Variants in MAML2 observed in about 807,000 individuals in gnomAD.
MAML2 encodes the protein mastermind-like protein 2.
Under a neutral mutation model 96.1 loss-of-function variants are expected in MAML2, and 22 were observed. That is an observed-to-expected ratio of 0.23 (90% CI 0.16 to 0.33). The LOEUF (loss-of-function observed/expected upper bound fraction) is 0.33, where lower values mean the gene tolerates loss of function less well. Among genes scored for constraint, MAML2 ranks in the 10% least tolerant of loss-of-function variants. The pLI is 1.00. For synonymous variants in MAML2, 561 were observed against 521.3 expected, an observed-to-expected ratio of 1.08 and a Z score of -1.04; for missense variants, 1,367 against 1,392.4, an observed-to-expected ratio of 0.98 and a Z score of 0.29.
chr11:96,313,166 A>T (rs1863568944), intron 1 of MAML2, among the ~76,000 whole-genome samples: 1 of 152,154 alleles, frequency 6.6e-6, no homozygotes, highest in Admixed American at 6.5e-5. Flanking sequence ...GGTTAAATAG[A>T]TTGCTAAGAT....
chr11:96,294,028 C>T (rs1383561070), intron 1 of MAML2, among the ~76,000 whole-genome samples: 1 of 152,172 alleles, frequency 6.6e-6, no homozygotes, highest in African/African-American at 2.4e-5. Flanking sequence ...AGAAATTATT[C>T]TGGAGAGAGG....
At chr11:96,172,505 C>T (rs1861312216) in intron 1 of MAML2, among the ~76,000 whole-genome samples, 1 of 152,188 alleles carries the variant, frequency 6.6e-6, no homozygotes, top group African/African-American at 2.4e-5. Context: ...TGTTCACGTC[C>T]TCTTACGCGA....
At chr11:96,001,013 C>T (rs958987092) in intron 2 of MAML2, among the ~76,000 whole-genome samples, 4 of 152,166 alleles carry the variant, frequency 2.6e-5, no homozygotes, top group Admixed American at 2.0e-4. Context: ...CTGCTTTCCC[C>T]TTCTATTTAA....
At chr11:96,299,415 C>T (rs749761845) in intron 1 of MAML2, among the ~76,000 whole-genome samples, 8 of 151,766 alleles carry the variant, frequency 5.3e-5, no homozygotes, top group Admixed American at 1.3e-4. Flanking sequence ...TGGATGAAGT[C>T]GCAGAGGCTG....
At chr11:96,188,288 C>CT (rs1298872922) in intron 1 of MAML2, among the ~76,000 whole-genome samples, 1 of 152,168 alleles carries the variant, frequency 6.6e-6, no homozygotes, top group Admixed American at 6.5e-5. Context: ...TTCCTATAAC[C>CT]TTTCTAATTT....
intron 1 of MAML2, among the ~76,000 whole-genome samples, chr11:96,299,598 G>A (rs1273759659): frequency 6.6e-6 from 1 of 152,148 alleles, no homozygotes; most frequent in Non-Finnish European, 1.5e-5. Context: ...TCCCCTGGGA[G>A]CAGCCCACAG....
At chr11:96,340,929 G>A (rs1392231391) in intron 1 of MAML2, among the ~76,000 whole-genome samples, 5 of 152,208 alleles carry the variant, frequency 3.3e-5, no homozygotes, top group African/African-American at 4.8e-5. Flanking sequence ...TCAAAAGGGA[G>A]AGGGGAAATG....
intron 1 of MAML2, among the ~76,000 whole-genome samples, chr11:96,177,916 T>TTTGTGTG (rs1555020085): frequency 2.1e-5 from 3 of 139,854 alleles, no homozygotes; most frequent in Non-Finnish European, 4.6e-5. Flanking sequence ...GAGACCTTAG[T>TTTGTGTG]TGTGTGTGTG....
At chr11:96,015,298 A>G (rs7482047) in intron 2 of MAML2, among the ~76,000 whole-genome samples, 49,147 of 152,000 alleles carry the variant, frequency 0.32, 8,340 homozygotes, top group South Asian at 0.48. Flanking sequence ...CATTTGATAT[A>G]GGAGTAATAT....
chr11:96,114,015 G>T lies in MAML2; in HGVS notation c.514-20498C>A, dbSNP rs536635162. Among the ~76,000 whole-genome samples the T allele has an allele frequency of 1.6e-3, 67 of 42,888 alleles. No homozygotes were observed. The Admixed American group carries it at 0.016, about 10-fold the overall frequency. 28.1% of individuals were successfully genotyped at this position (42,888 alleles called of 152,430 possible). ...CTGACATACCATCTCCAGAGTTGGA[G>T]AATTTGAAGAAAAAAAAAATCAGGG... On this transcript the variant is annotated intron_variant, in intron 1 of 4. Coordinates refer to ENST00000524717, the MANE Select transcript of MAML2 (RefSeq NM_032427.4).
At chr11:96,103,181 G>C (rs1940169) in intron 1 of MAML2, among the ~76,000 whole-genome samples, 138,978 of 152,218 alleles carry the variant, frequency 0.91, 63,482 homozygotes, top group East Asian at 1. Context: ...GTAAGTTTTT[G>C]ACTTCAGTAT....
At chr11:96,105,177 T>C (rs774570338) in intron 1 of MAML2, among the ~76,000 whole-genome samples, 1 of 152,246 alleles carries the variant, frequency 6.6e-6, no homozygotes, top group Non-Finnish European at 1.5e-5. Context: ...ACTTTCCACG[T>C]GTGGTCATTA....
intron 2 of MAML2, among the ~76,000 whole-genome samples, chr11:96,077,186 C>G (rs1859454022): frequency 1.4e-5 from 2 of 140,042 alleles, no homozygotes; most frequent in Admixed American, 7.1e-5. Context: ...CTTGGGATCT[C>G]TCTTTCTGAC....
At chr11:96,290,406 G>A (rs2135991468) in intron 1 of MAML2, among the ~76,000 whole-genome samples, 1 of 152,292 alleles carries the variant, frequency 6.6e-6, no homozygotes, top group South Asian at 2.1e-4. Context: ...AAATAACTGT[G>A]TTGCTTCTAT....
chr11:96,258,347 G>GA (rs1862697620), intron 1 of MAML2, among the ~76,000 whole-genome samples: 1 of 152,088 alleles, frequency 6.6e-6, no homozygotes, highest in African/African-American at 2.4e-5. Context: ...TTAGCAGCAA[G>GA]AAAAAATGTT....
At chr11:96,194,943 C>A (rs1861707699) in intron 1 of MAML2, among the ~76,000 whole-genome samples, 1 of 152,026 alleles carries the variant, frequency 6.6e-6, no homozygotes, top group African/African-American at 2.4e-5. Flanking sequence ...ACAATAGATA[C>A]CATTCTTTGA....
chr11:96,070,914 A>G (rs1318279231), intron 2 of MAML2, among the ~76,000 whole-genome samples: 3 of 152,224 alleles, frequency 2.0e-5, no homozygotes, highest in Non-Finnish European at 2.9e-5. Flanking sequence ...CTAACTACAA[A>G]AGGTCTTTGA....
chr11:96,137,062 AGT>A (rs1860646365), intron 1 of MAML2, among the ~76,000 whole-genome samples: 1 of 152,152 alleles, frequency 6.6e-6, no homozygotes, highest in Non-Finnish European at 1.5e-5. Flanking sequence ...ATTCTCTTTC[AGT>A]GTCGTCAATT....
Position 96,092,719 on chromosome 11 carries a change from G to C in MAML2, c.1312C>G (p.Gln438Glu). The C allele has an allele frequency of 1.2e-6, 2 of 1,613,996 alleles. No individual in the cohort carries two copies. The highest frequency in any genetic ancestry group is 1.7e-6 in the Non-Finnish European group (2 of 1,179,902). Residue 438 changes from glutamine to glutamate, a missense_variant, in exon 2 of 5, where the codon CAG (glutamine) becomes GAG (glutamate). Transcript: ENST00000524717. This position sits in a 1 kb window ranked among gnomAD's most constrained non-coding sequence, Gnocchi z 4.1. Reference protein sequence around the residue: ...QEVSHAQQLKQIAANRQQHAR... With the variant: ...QEVSHAQQLKEIAANRQQHAR... ...TGCTGCTGACGATTAGCAGCTATCT[G>C]TTTGAGCTGCTGGGCATGGGATACT...
Sources: allele counts gnomAD v4.1 joint callset (sites outside exome capture counted in the v4.1 genomes callset), GRCh38; gene constraint gnomAD v4.1.1; non-coding constraint Gnocchi (gnomAD v3.1); transcripts MANE v1.5; gene names NCBI Gene and HGNC (gene_info 2026-07-23, HGNC 2026-07-21).